Variants in CLCN4 observed in about 807,000 individuals in gnomAD.
CLCN4 encodes the protein H(+)/Cl(-) exchange transporter 4.
CLCN4 carries 1 observed loss-of-function variant against 41.7 expected under a neutral mutation model. The observed-to-expected ratio is 0.02, with a 90% confidence interval of 0.01 to 0.11. The LOEUF (loss-of-function observed/expected upper bound fraction) is 0.11, where lower values mean the gene tolerates loss of function less well. CLCN4 is among the 10% of genes least tolerant of loss of function. The pLI, the probability that CLCN4 is intolerant of heterozygous loss-of-function variation, is 1.00. For synonymous variants in CLCN4, 277 were observed against 285.8 expected (o/e 0.97, Z 0.31); for missense variants, 287 against 661.0 (o/e 0.43, Z 6.20).
At chrX:10,180,767 C>CAAAAAAAAAAAAA (rs869040200) in intron 2 of CLCN4, among the ~76,000 whole-genome samples, 10 of 25,006 alleles carry the variant, frequency 4.0e-4, no homozygotes, top group Non-Finnish European at 5.5e-4. Context: ...AACTCCATCT[C>CAAAAAAAAAAAAA]AAAAAAAAAA....
chrX:10,208,784 G>A (rs914433181), intron 9 of CLCN4, among the ~76,000 whole-genome samples, 194 bp downstream of exon 9: 6 of 111,904 alleles, frequency 5.4e-5, no homozygotes, highest in African/African-American at 2.0e-4. Flanking sequence ...ATGAAATAGA[G>A]ATTTTAATCC....
chrX:10,162,304 C>G (rs1367168544), intron 2 of CLCN4, among the ~76,000 whole-genome samples: 1 of 111,467 alleles, frequency 9.0e-6, no homozygotes, highest in Non-Finnish European at 1.9e-5. Flanking sequence ...CAGGCATGAG[C>G]CACCACGCCT....
intron 9 of CLCN4, among the ~76,000 whole-genome samples, chrX:10,210,602 A>G (rs1407956615): frequency 9.1e-6 from 1 of 109,954 alleles, no homozygotes; most frequent in Non-Finnish European, 1.9e-5. Flanking sequence ...TTGGCCTCCC[A>G]AAGTGCTAGG....
In CLCN4 at chrX:10,236,064, A is replaced by G. The variant is rs1448026848; in HGVS notation, c.*2480A>G. ...TCAGAGCCAGCGTGTGCTGGGAAAG[A>G]GTATTAGTCATAGCCTGGCTTTATA... On this transcript the variant is annotated 3_prime_UTR_variant, in exon 13 of 13. Coordinates refer to ENST00000380833, the MANE Select transcript of CLCN4 (RefSeq NM_001830.4). 8.9e-6 allele frequency: 1 copy of G among 112,286 alleles called. No individual in the cohort carries two copies. Among genetic ancestry groups the G allele is most frequent in the Non-Finnish European group, 1.9e-5 (1 of 53,301 alleles). The allele number at this position is 112,286 out of a possible 1,213,427, so 9.3% of individuals were successfully genotyped here. A position where few individuals can be genotyped will look rare whatever the true frequency, so the allele number is the denominator to read the frequency against.
At chrX:10,177,737 C>T (rs888978155) in intron 2 of CLCN4, among the ~76,000 whole-genome samples, 5 of 112,305 alleles carry the variant, frequency 4.5e-5, no homozygotes, top group Non-Finnish European at 9.4e-5. Flanking sequence ...GAAGGTTAAA[C>T]AGAGTTCCCA....
At chrX:10,183,030 T>A (rs770240022) in intron 2 of CLCN4, among the ~76,000 whole-genome samples, 1 of 112,371 alleles carries the variant, frequency 8.9e-6, no homozygotes, top group South Asian at 3.7e-4. Flanking sequence ...ACAAGGGCTC[T>A]CTTGGAGGGT....
chrX:10,210,216 C>G (rs1159245323), intron 9 of CLCN4, among the ~76,000 whole-genome samples: 5 of 112,280 alleles, frequency 4.5e-5, no homozygotes, highest in Non-Finnish European at 9.4e-5. Flanking sequence ...GGAGATCCCA[C>G]ATTTTGTTTA....
chrX:10,203,171 G>A (rs1056332680), intron 6 of CLCN4, among the ~76,000 whole-genome samples: 1 of 112,088 alleles, frequency 8.9e-6, no homozygotes, highest in Non-Finnish European at 1.9e-5. Context: ...ATGGTATTAC[G>A]CTTTTAAACT....
At chrX:10,226,764 G>A (rs1410391517) in intron 12 of CLCN4, among the ~76,000 whole-genome samples, 1 of 111,305 alleles carries the variant, frequency 9.0e-6, no homozygotes, top group Non-Finnish European at 1.9e-5. Context: ...AGAGAATACT[G>A]TATCACCTCT....
rs139942006 is a variant in CLCN4 at position 10,213,751 on chromosome X, C to T, written c.1647C>T (p.Ile549=). The change falls in exon 11 of 13, where the codon ATC becomes ATT. Residue 549 remains isoleucine (I), a synonymous_variant. Coordinates refer to ENST00000380833, the MANE Select transcript of CLCN4 (RefSeq NM_001830.4). The part of the protein sequence containing the change: ...MFELTGGLEY[I]VPLMAAAVTS... ...AATTAACCGGGGGTCTGGAGTACAT[C>T]GTGCCCCTGATGGCGGCGGCTGTGA... The T allele has an allele frequency of 1.3e-5, 16 of 1,209,860 alleles. No individual in the cohort carries two copies. In the South Asian group the frequency reaches 1.4e-4, roughly 11 times the overall value.
At chrX:10,228,718 A>G (rs1224668716) in intron 12 of CLCN4, among the ~76,000 whole-genome samples, 2 of 111,924 alleles carry the variant, frequency 1.8e-5, no homozygotes, top group African/African-American at 6.5e-5. Flanking sequence ...GGTGCCAGAT[A>G]ATGAACTGAT....
rs1183803221 is a variant in CLCN4, at chrX:10,174,654, C to A, written c.-11-10368C>A. Among the ~76,000 whole-genome samples, 12 of 111,733 alleles carry A rather than the reference C, an allele frequency of 1.1e-4. No individual in the cohort carries two copies. In the Admixed American group the frequency reaches 1.1e-3, roughly 11 times the overall value. On this transcript the variant is annotated intron_variant, in intron 2 of 12. Transcript: ENST00000380833. ...GAGCCCAGTTGCTCCCTAATTCCCC[C>A]CACCCTGTGCCCTGCTGTCAGCCCT...
chrX:10,168,849 G>A (rs142724361), intron 2 of CLCN4, among the ~76,000 whole-genome samples: 5 of 109,857 alleles, frequency 4.6e-5, no homozygotes, highest in African/African-American at 1.3e-4. Flanking sequence ...ATGGAATCTC[G>A]GATCCCTTTG....
intron 12 of CLCN4, among the ~76,000 whole-genome samples, chrX:10,223,282 A>G (rs1204068829): frequency 9.0e-6 from 1 of 111,622 alleles, no homozygotes; most frequent in Non-Finnish European, 1.9e-5. Context: ...ACAATAATCC[A>G]AAGTCAATTA....
At chrX:10,171,882 G>A (rs1047070254) in intron 2 of CLCN4, among the ~76,000 whole-genome samples, 1 of 111,776 alleles carries the variant, frequency 8.9e-6, no homozygotes, top group Non-Finnish European at 1.9e-5. Context: ...CTCAGCGCCT[G>A]GGATTTGTAT....
chrX:10,176,910 C>T (rs192225688), intron 2 of CLCN4, among the ~76,000 whole-genome samples: 2 of 111,871 alleles, frequency 1.8e-5, no homozygotes, highest in East Asian at 5.6e-4. Flanking sequence ...ATACTGATGG[C>T]AGCACAAAGT....
intron 4 of CLCN4, among the ~76,000 whole-genome samples, chrX:10,191,145 GCCCAAAAGAATCATTATA>G (rs1248961277): frequency 9.0e-6 from 1 of 111,145 alleles, no homozygotes; most frequent in East Asian, 2.8e-4. Context: ...ATTTTATCAT[GCCCAAAAGAATCATTATA>G]CCCTGTAGCT....
chrX:10,216,891 G>GTATATATATA (rs1174630447), intron 11 of CLCN4, among the ~76,000 whole-genome samples: 3 of 1,643 alleles, frequency 1.8e-3, no homozygotes, highest in African/African-American at 8.5e-3. Flanking sequence ...GTGTGTGTGT[G>GTATATATATA]TGTGTGTATA....
intron 6 of CLCN4, among the ~76,000 whole-genome samples, chrX:10,201,043 AT>A (rs1924225683): frequency 8.9e-6 from 1 of 112,267 alleles, no homozygotes; most frequent in South Asian, 3.6e-4. Flanking sequence ...CATGGATGAA[AT>A]TAAAAAATGT....
Sources: gnomAD v4.1 joint callset for allele counts (sites outside exome capture counted in the v4.1 genomes callset) on GRCh38, gnomAD v4.1.1 for gene constraint, MANE v1.5 for transcripts, NCBI Gene and HGNC (gene_info 2026-07-23, HGNC 2026-07-21) for gene names.